Variants in VWA5B1 observed in about 807,000 individuals in gnomAD.
VWA5B1 encodes the protein von Willebrand factor A domain containing 5B1.
Under a neutral mutation model 118.2 loss-of-function variants are expected in VWA5B1, and 115 were observed. The observed-to-expected ratio is 0.97, with a 90% confidence interval of 0.84 to 1.14. VWA5B1 has a LOEUF of 1.14. VWA5B1 is among the 50% of genes most tolerant of loss of function. VWA5B1 has a pLI of 0.00. For synonymous variants in VWA5B1, 682 were observed against 658.4 expected (o/e 1.04, Z -0.55); for missense variants, 1,596 against 1,603.8 (o/e 1.00, Z 0.08).
intron 15 of VWA5B1, 121 bp downstream of exon 15, chr1:20,342,730 C>A (rs1044530158): frequency 3.2e-6 from 4 of 1,243,634 alleles, no homozygotes; most frequent in East Asian, 5.4e-5. Context: ...TGGTCTGCTG[C>A]GGCTCACCCC....
In VWA5B1 at chr1:20,330,970, G is replaced by A. The variant is rs41264533; in HGVS notation, c.1559G>A (p.Arg520Gln). 3.1e-3 allele frequency: 4,858 copies of A among 1,548,852 alleles called. 17 individuals are homozygous for A. The highest frequency in any genetic ancestry group is 3.8e-3 in the Non-Finnish European group (4,357 of 1,145,626). Residue 520 changes from arginine (R) to glutamine (Q), a missense_variant, in exon 11 of 22, where the codon CGG becomes CAG. By Grantham distance (43) the Arg-to-Gln change is conservative (BLOSUM62 1). Transcript: ENST00000289815. ...GCTGAGCTCCTGATGGAGGGGGAGC[G>A]GCTGCAACCCAAGGTAGGCAGCAGA... ...GSAELLMEGERLQPKMVKSLK... is the reference protein window; with the variant it reads ...GSAELLMEGEQLQPKMVKSLK...
At chr1:20,298,831 T>C (rs2088454244) in intron 1 of VWA5B1, among the ~76,000 whole-genome samples, 1 of 152,094 alleles carries the variant, frequency 6.6e-6, no homozygotes, top group African/African-American at 2.4e-5. Flanking sequence ...CAACCCTGTG[T>C]TGTACTTGGG....
chr1:20,330,757 T>C (rs779159503), intron 10 of VWA5B1, 112 bp from the exon 11 acceptor site: 26 of 1,096,170 alleles, frequency 2.4e-5, no homozygotes, highest in Non-Finnish European at 3.3e-5. Flanking sequence ...TCTACCTGAA[T>C]ATAGGGCCAG....
At position 20,350,192 on chromosome 1, in the gene VWA5B1, C is replaced by T; in HGVS notation, c.2915C>T (p.Ala972Val). Residue 972 changes from alanine (A) to valine (V), a missense_variant, in exon 19 of 22, where the codon GCC becomes GTC. Coordinates refer to ENST00000289815, the MANE Select transcript of VWA5B1 (RefSeq NM_001039500.3). ...EASPTALFSE[A>V]RSPGREKHGA... ...AGTCCCACTGCTCTCTTCAGCGAGGCCAGGTCCCCCGGCCGCGAGAAGCAC... is the reference window on the plus strand; with the variant it reads ...AGTCCCACTGCTCTCTTCAGCGAGGTCAGGTCCCCCGGCCGCGAGAAGCAC... The T allele has an allele frequency of 1.3e-6, 2 of 1,551,180 alleles. No individual in the cohort carries two copies. The highest frequency in any genetic ancestry group is 1.7e-6 in the Non-Finnish European group (2 of 1,146,984).
intron 14 of VWA5B1, 76 bp downstream of exon 14, chr1:20,337,912 C>T (rs557223294): frequency 2.7e-5 from 41 of 1,534,584 alleles, no homozygotes; most frequent in South Asian, 3.6e-5. Flanking sequence ...CTGCTTCAAC[C>T]GCAGGACGTG....
At chr1:20,313,824 G>A (rs761172146) in intron 3 of VWA5B1, among the ~76,000 whole-genome samples, 3 of 152,216 alleles carry the variant, frequency 2.0e-5, no homozygotes, top group Non-Finnish European at 2.9e-5. Flanking sequence ...GGGAGCAGGG[G>A]GTGGAAAGTG....
At chr1:20,299,590 G>C (rs923549785) in intron 1 of VWA5B1, among the ~76,000 whole-genome samples, 1 of 152,166 alleles carries the variant, frequency 6.6e-6, no homozygotes, top group Non-Finnish European at 1.5e-5. Context: ...TTTTAGTAAA[G>C]GCGGGGTTTC....
chr1:20,336,071 A>C (rs970256370), intron 12 of VWA5B1, among the ~76,000 whole-genome samples: 1 of 152,194 alleles, frequency 6.6e-6, no homozygotes, highest in Non-Finnish European at 1.5e-5. Context: ...AATTTAATGA[A>C]GTCAATAATT....
Position 20,353,812 on chromosome 1 carries a change from C to T in VWA5B1, c.3197C>T (p.Ala1066Val), listed in dbSNP as rs190647773. The T allele has an allele frequency of 6.7e-7, 1 of 1,494,560 alleles. No homozygotes were observed. The highest frequency in any genetic ancestry group is 8.9e-7 in the Non-Finnish European group (1 of 1,119,298). The allele number at this position is 1,494,560 out of a possible 1,614,324, so 92.6% of individuals were successfully genotyped here. Residue 1066 changes from alanine to valine, a missense_variant, in exon 22 of 22, where the codon GCC becomes GTC. Coordinates refer to ENST00000289815, the MANE Select transcript of VWA5B1 (RefSeq NM_001039500.3). ...CTGCTCAACGAAGCCTTCTGTGAGG[C>T]CACGCACATCCCCATGGAGAAGCTC... ...AFLLNEAFCEATHIPMEKLKW... is the reference protein window; with the variant it reads ...AFLLNEAFCEVTHIPMEKLKW...
chr1:20,312,848 AC>A lies in VWA5B1; in HGVS notation c.157del (p.Leu53TrpfsTer7). 2 of 1,549,722 alleles carry A rather than the reference AC, an allele frequency of 1.3e-6. No individual in the cohort carries two copies. The highest frequency in any genetic ancestry group is 1.7e-6 in the Non-Finnish European group (2 of 1,145,714). On this transcript the variant is annotated frameshift_variant, in exon 3 of 22. Transcript: ENST00000289815. LOFTEE classifies it high-confidence loss of function. Reference protein sequence around the residue: ...EAQPFQGLFVYPLDECTTVIG... With the variant: ...EAQPFQGLFVXPLDECTTVIG... ...CCTGCTCCGACAGGCCTCTTCGTGT[AC>A]CCCCTGGATGAGTGCACCACGGTGA... is the stretch of plus-strand genomic sequence containing the variant.
chr1:20,343,258 C>G lies in VWA5B1; in HGVS notation c.2491C>G (p.Leu831Val). ...QRLQWEVSFE[L>V]GTPGPERGGA... ...CCTGCAGTGGGAGGTGAGCTTCGAG[C>G]TGGGGACCCCTGGACCGGAGCGGGG... The change falls in exon 16 of 22, where the codon CTG becomes GTG. Residue 831 changes from leucine to valine, a missense_variant. Coordinates refer to ENST00000289815, the MANE Select transcript of VWA5B1 (RefSeq NM_001039500.3). 6.5e-7 allele frequency: 1 copy of G among 1,548,716 alleles called. No homozygotes were observed. The highest frequency in any genetic ancestry group is 8.7e-7 in the Non-Finnish European group (1 of 1,146,776).
chr1:20,315,206 G>A (rs531202235), intron 4 of VWA5B1, among the ~76,000 whole-genome samples: 5 of 152,200 alleles, frequency 3.3e-5, no homozygotes, highest in Non-Finnish European at 7.3e-5. Flanking sequence ...CGTTCTCGTG[G>A]GCGAAAGCAG....
intron 20 of VWA5B1, 106 bp downstream of exon 20, chr1:20,351,032 C>A: frequency 8.8e-7 from 1 of 1,136,298 alleles, no homozygotes. Flanking sequence ...TTCAGCCTGA[C>A]ATTTAGGCAG....
intron 1 of VWA5B1, among the ~76,000 whole-genome samples, chr1:20,306,810 T>A (rs2088669676): frequency 6.6e-6 from 1 of 152,144 alleles, no homozygotes; most frequent in African/African-American, 2.4e-5. Flanking sequence ...AGCATCCAAG[T>A]TGGACCCAAC....
chr1:20,310,003 C>G, intron 1 of VWA5B1, among the ~76,000 whole-genome samples: 1 of 148,068 alleles, frequency 6.8e-6, no homozygotes, highest in East Asian at 2.0e-4. Flanking sequence ...GCAGGAATGA[C>G]TCCCAGGTTT....
chr1:20,314,701 G>A, intron 4 of VWA5B1, 109 bp downstream of exon 4: 1 of 1,469,810 alleles, frequency 6.8e-7, no homozygotes, highest in Non-Finnish European at 9.0e-7. Context: ...GAGATGGGGA[G>A]GCTCTGCTCT....
In VWA5B1 at chr1:20,354,683, T is replaced by G; in HGVS notation, c.*420T>G. On this transcript the variant is annotated 3_prime_UTR_variant, in exon 22 of 22. Coordinates refer to ENST00000289815, the MANE Select transcript of VWA5B1 (RefSeq NM_001039500.3). ...GTGGACACAGCAATGCCCACTCAAA[T>G]AAAAGGGCAGATGAGAGAACCCAGT... The G allele has an allele frequency of 5.4e-6, 1 of 185,746 alleles. No homozygotes were observed. The highest frequency in any genetic ancestry group is 5.5e-5 in the Admixed American group (1 of 18,200). The allele number at this position is 185,746 out of a possible 1,614,324, so 11.5% of individuals were successfully genotyped here.
intron 13 of VWA5B1, 63 bp from the exon 14 acceptor site, chr1:20,337,583 T>C (rs1463803452): frequency 2.0e-6 from 3 of 1,474,776 alleles, no homozygotes; most frequent in Admixed American, 2.3e-5. Context: ...GGAAAGGGGA[T>C]GCAAGCCCCA....
At chr1:20,307,683 C>T (rs145077115) in intron 1 of VWA5B1, among the ~76,000 whole-genome samples, 1 of 152,170 alleles carries the variant, frequency 6.6e-6, no homozygotes, top group Non-Finnish European at 1.5e-5. Flanking sequence ...CTTTGTATAG[C>T]CAGTGGCTAA....
Sources: allele counts gnomAD v4.1 joint callset (sites outside exome capture counted in the v4.1 genomes callset), GRCh38; gene constraint gnomAD v4.1.1; transcripts MANE v1.5; gene names NCBI Gene and HGNC (gene_info 2026-07-23, HGNC 2026-07-21).